Variants in TLN2 observed in about 807,000 individuals in gnomAD.
TLN2 encodes talin 2, also known as talin-2.
A neutral mutation model predicts 294.7 loss-of-function variants in TLN2; 118 were observed. That is an observed-to-expected ratio of 0.40 (90% confidence interval 0.34 to 0.47). The LOEUF (loss-of-function observed/expected upper bound fraction) is 0.47. Ranked by LOEUF, TLN2 falls within the 20% of genes least tolerant of loss-of-function variation. TLN2 has a pLI of 0.84. For missense variants in TLN2, 3,083 were observed against 3,282.2 expected (o/e 0.94, Z 1.48); for synonymous variants, 1,431 against 1,304.5 (o/e 1.10, Z -2.09).
intron 2 of TLN2, among the ~76,000 whole-genome samples, chr15:62,592,725 CA>C: frequency 6.6e-6 from 1 of 152,208 alleles, no homozygotes; most frequent in Non-Finnish European, 1.5e-5. Flanking sequence ...AAGGCTAAGA[CA>C]TTCTGGATGA....
chr15:62,622,951 C>G (rs2048962851), intron 3 of TLN2, among the ~76,000 whole-genome samples: 1 of 152,222 alleles, frequency 6.6e-6, no homozygotes, highest in Non-Finnish European at 1.5e-5. Flanking sequence ...TGTTGCCCAT[C>G]ATCTGTCTGT....
chr15:62,726,067 G>A (rs939964127), intron 27 of TLN2, among the ~76,000 whole-genome samples: 2 of 151,846 alleles, frequency 1.3e-5, no homozygotes, highest in African/African-American at 4.8e-5. Context: ...TGCCTCCTGG[G>A]CCCACAGCTT....
At chr15:62,449,431 G>T (rs1462734006) in intron 1 of TLN2, among the ~76,000 whole-genome samples, 1 of 152,106 alleles carries the variant, frequency 6.6e-6, no homozygotes, top group African/African-American at 2.4e-5. Context: ...GAGCTAGCTG[G>T]CAGAGGGCAG....
At chr15:62,791,166 G>A (rs1567613003) in intron 45 of TLN2, among the ~76,000 whole-genome samples, 2 of 147,952 alleles carry the variant, frequency 1.4e-5, no homozygotes, top group Admixed American at 6.9e-5. Flanking sequence ...GGCCAACATG[G>A]TGAAACCCCG....
intron 37 of TLN2, among the ~76,000 whole-genome samples, chr15:62,758,227 C>T (rs1444206018): frequency 2.6e-5 from 4 of 152,056 alleles, no homozygotes; most frequent in Non-Finnish European, 1.5e-5. Flanking sequence ...AGTGGCTCAT[C>T]GGCATCAGTC....
intron 1 of TLN2, among the ~76,000 whole-genome samples, chr15:62,486,957 G>A (rs531590840): frequency 2.6e-5 from 4 of 152,262 alleles, no homozygotes; most frequent in African/African-American, 9.6e-5. Context: ...TGAACACACC[G>A]TTAATCTCTG....
chr15:62,683,651 G>A (rs2057046428), intron 11 of TLN2, among the ~76,000 whole-genome samples: 1 of 152,106 alleles, frequency 6.6e-6, no homozygotes, highest in African/African-American at 2.4e-5. Context: ...ATCTAATCAG[G>A]ACCATCTTGA....
chr15:62,513,641 G>A (rs1275409874), intron 1 of TLN2, among the ~76,000 whole-genome samples: 1 of 152,142 alleles, frequency 6.6e-6, no homozygotes, highest in Non-Finnish European at 1.5e-5. Flanking sequence ...CCCCTGCAGG[G>A]TGATAGTGAT....
chr15:62,464,381 C>A lies in TLN2; in HGVS notation c.-238+73696C>A, dbSNP rs190288813. Among the ~76,000 whole-genome samples the A allele has an allele frequency of 7.0e-4, 107 of 152,212 alleles. 1 individual carries two copies. The highest frequency in any genetic ancestry group is 1.3e-3 in the Non-Finnish European group (91 of 68,020). ...AGGTGGGAATTGAACAATGAGAACACTTGGACACAGGAAGGGGAACATCAC... is the reference window on the plus strand; with the variant it reads ...AGGTGGGAATTGAACAATGAGAACAATTGGACACAGGAAGGGGAACATCAC... On this transcript the variant is annotated intron_variant, in intron 1 of 58. Coordinates refer to ENST00000636159, the MANE Select transcript of TLN2 (RefSeq NM_015059.3).
intron 1 of TLN2, among the ~76,000 whole-genome samples, chr15:62,575,364 T>C (rs1010311316): frequency 6.6e-6 from 1 of 152,158 alleles, no homozygotes; most frequent in Non-Finnish European, 1.5e-5. Context: ...TGATAAACTT[T>C]TGCAAATTCA....
intron 3 of TLN2, chr15:62,637,159 A>C (rs1411113307): frequency 6.6e-6 from 1 of 152,206 alleles, no homozygotes; most frequent in Non-Finnish European, 1.5e-5. Flanking sequence ...GACAAATGGT[A>C]AATAATTCAT....
intron 9 of TLN2, among the ~76,000 whole-genome samples, chr15:62,663,395 C>T (rs549058516): frequency 6.6e-6 from 1 of 151,928 alleles, no homozygotes; most frequent in Non-Finnish European, 1.5e-5. Context: ...GATGCTTGCT[C>T]TCAGTGCTTC....
chr15:62,770,927 A>C (rs767225792), intron 41 of TLN2, 37 bp from the exon 42 acceptor site: 1 of 1,582,396 alleles, frequency 6.3e-7, no homozygotes, highest in East Asian at 2.2e-5. Flanking sequence ...GTGTATTTAC[A>C]TGATACATCT....
chr15:62,457,631 G>A (rs1212198573), intron 1 of TLN2, among the ~76,000 whole-genome samples: 1 of 152,208 alleles, frequency 6.6e-6, no homozygotes. Context: ...GCGAGGCAGG[G>A]AGCTGGCTGG....
intron 27 of TLN2, among the ~76,000 whole-genome samples, chr15:62,725,748 A>G (rs989250886): frequency 6.6e-6 from 1 of 152,192 alleles, no homozygotes; most frequent in Non-Finnish European, 1.5e-5. Context: ...CAGATGAGAA[A>G]CACAGAGGCA....
chr15:62,436,235 T>C (rs1477469666), intron 1 of TLN2, among the ~76,000 whole-genome samples: 1 of 152,224 alleles, frequency 6.6e-6, no homozygotes, highest in Non-Finnish European at 1.5e-5. Flanking sequence ...TTCCAGGCAC[T>C]GTGCTGTGTG....
intron 24 of TLN2, among the ~76,000 whole-genome samples, chr15:62,717,913 C>T (rs1161378704): frequency 6.6e-6 from 1 of 152,080 alleles, no homozygotes; most frequent in Non-Finnish European, 1.5e-5. Context: ...TACTTTTGTC[C>T]ACAATTTTCT....
chr15:62,651,902 T>A, intron 5 of TLN2, 103 bp from the exon 6 acceptor site: 1 of 1,317,784 alleles, frequency 7.6e-7, no homozygotes, highest in East Asian at 2.4e-5. Flanking sequence ...AAAATCAGAG[T>A]CTACTCTGAT....
chr15:62,580,521 C>G (rs1375328213), intron 1 of TLN2, among the ~76,000 whole-genome samples: 1 of 151,958 alleles, frequency 6.6e-6, no homozygotes, highest in Non-Finnish European at 1.5e-5. Flanking sequence ...GGCAATCCTC[C>G]TACCTCAGCC....
Sources: gnomAD v4.1 joint callset for allele counts (sites outside exome capture counted in the v4.1 genomes callset) on GRCh38, gnomAD v4.1.1 for gene constraint, MANE v1.5 for transcripts, NCBI Gene and HGNC (gene_info 2026-07-23, HGNC 2026-07-21) for gene names.